CCDC122: variants seen among roughly 807,000 people sequenced by gnomAD.
CCDC122 encodes coiled-coil domain containing 122, also known as coiled-coil domain-containing protein 122.
CCDC122 carries 38 observed loss-of-function variants against 37.0 expected under a neutral mutation model. The ratio of observed to expected loss-of-function variants is 1.03; its 90% CI spans 0.79 to 1.35. The LOEUF (loss-of-function observed/expected upper bound fraction) is 1.35. Ranked by LOEUF, CCDC122 falls within the 40% of genes most tolerant of loss-of-function variation. CCDC122 has a pLI of 0.00. For synonymous variants in CCDC122, 83 were observed against 95.6 expected, an observed-to-expected ratio of 0.87 and a Z score of 0.77; for missense variants, 305 against 310.0, an observed-to-expected ratio of 0.98 and a Z score of 0.12.
chr13:43,870,675 C>A (rs1183898696), intron 2 of CCDC122, among the ~76,000 whole-genome samples: 4 of 151,700 alleles, frequency 2.6e-5, no homozygotes, highest in Non-Finnish European at 4.4e-5. Context: ...CTCATTTAAC[C>A]CTATAAGGTA....
chr13:43,843,819 ATAGTAT>A (rs1953432507), intron 6 of CCDC122, among the ~76,000 whole-genome samples: 1 of 56,884 alleles, frequency 1.8e-5, no homozygotes, highest in Non-Finnish European at 4.8e-5. Context: ...TTCTTGTGTT[ATAGTAT>A]TTTTTTTTTT....
At chr13:43,860,152 T>C (rs544915800) in intron 4 of CCDC122, 82 bp from the exon 5 acceptor site, 2 of 590,036 alleles carry the variant, frequency 3.4e-6, no homozygotes, top group East Asian at 3.9e-5. Flanking sequence ...CCATAATGAA[T>C]ATAGGAAAAA....
chr13:43,823,445 T>C (rs1350854150), downstream of CCDC122, among the ~76,000 whole-genome samples: 1 of 152,206 alleles, frequency 6.6e-6, no homozygotes, highest in Non-Finnish European at 1.5e-5. Context: ...TTGGCCTCGC[T>C]GTCTGGTATT....
intron 5 of CCDC122, 110 bp downstream of exon 5, chr13:43,859,562 A>T: frequency 1.2e-6 from 1 of 826,056 alleles, no homozygotes; most frequent in South Asian, 3.0e-5. Flanking sequence ...TGAAGGTAAT[A>T]GGACAGCTAT....
chr13:43,868,533 T>C (rs1954347493), intron 4 of CCDC122, among the ~76,000 whole-genome samples, 161 bp downstream of exon 4: 1 of 152,094 alleles, frequency 6.6e-6, no homozygotes, highest in South Asian at 2.1e-4. Flanking sequence ...AAATTTTCCA[T>C]AAAACTGGAA....
downstream of CCDC122, among the ~76,000 whole-genome samples, chr13:43,831,906 G>C (rs1953092848): frequency 6.6e-6 from 1 of 151,972 alleles, no homozygotes; most frequent in Non-Finnish European, 1.5e-5. Flanking sequence ...TAAAGATCTA[G>C]AGCTCACAGT....
chr13:43,826,490 G>A (rs1953042413), intron 3 of CCDC122, among the ~76,000 whole-genome samples: 1 of 151,758 alleles, frequency 6.6e-6, no homozygotes, highest in African/African-American at 2.4e-5. Context: ...AGCCATAATT[G>A]TGCTAAACTG....
downstream of CCDC122, among the ~76,000 whole-genome samples, chr13:43,836,151 C>G (rs1953154821): frequency 6.6e-6 from 1 of 152,142 alleles, no homozygotes; most frequent in Non-Finnish European, 1.5e-5. Context: ...ACCATATCTT[C>G]CTATTTGTTT....
intron 6 of CCDC122, among the ~76,000 whole-genome samples, chr13:43,852,521 TA>T (rs1370506446): frequency 6.6e-6 from 1 of 152,042 alleles, no homozygotes; most frequent in Non-Finnish European, 1.5e-5. Flanking sequence ...TTGGAGTCCC[TA>T]AAAGAGATGG....
At chr13:43,867,108 AG>A (rs1175364440) in intron 4 of CCDC122, among the ~76,000 whole-genome samples, 2 of 152,110 alleles carry the variant, frequency 1.3e-5, no homozygotes, top group African/African-American at 4.8e-5. Context: ...TTTTATTTCC[AG>A]TTAGCTGAGA....
downstream of CCDC122, among the ~76,000 whole-genome samples, chr13:43,832,299 G>A (rs1953097237): frequency 6.6e-6 from 1 of 152,002 alleles, no homozygotes; most frequent in South Asian, 2.1e-4. Flanking sequence ...AATATGAGAA[G>A]CTAAACTATG....
chr13:43,869,276 CT>C (rs1954370690), intron 3 of CCDC122, 54 bp downstream of exon 3: 2 of 1,366,448 alleles, frequency 1.5e-6, no homozygotes, highest in African/African-American at 1.4e-5. Flanking sequence ...TGCCAGACTA[CT>C]TTTTTGTTGT....
chr13:43,840,990 A>C (rs191948144), intron 6 of CCDC122, among the ~76,000 whole-genome samples: 2 of 152,350 alleles, frequency 1.3e-5, no homozygotes, highest in African/African-American at 2.4e-5. Flanking sequence ...ACTAGTCTAC[A>C]GTCCCACTAA....
intron 6 of CCDC122, chr13:43,855,726 G>C (rs1953887800): frequency 6.6e-6 from 1 of 152,018 alleles, no homozygotes; most frequent in Non-Finnish European, 1.5e-5. Flanking sequence ...TGACAAGGTT[G>C]CAGAGAAAAA....
chr13:43,865,941 C>T (rs553076945), intron 4 of CCDC122, among the ~76,000 whole-genome samples: 12 of 152,206 alleles, frequency 7.9e-5, no homozygotes, highest in East Asian at 5.8e-4. Flanking sequence ...AGCATCACTA[C>T]GCTGATACTT....
rs1293662302 is a variant in CCDC122 at position 43,825,678 on chromosome 13, G to A, written n.602-1667C>T. On this transcript the variant is annotated intron_variant and non_coding_transcript_variant, in intron 3 of 3. Transcript: ENST00000470137. ...CCAGCTACTTGGGAGGCTGAGGCAG[G>A]AGAATCACTTGAACTCGGGAGGCGG... Among the ~76,000 whole-genome samples, 3 of 150,468 alleles carry A rather than the reference G, an allele frequency of 2.0e-5. No individual in the cohort carries two copies. In the East Asian group the frequency reaches 6.0e-4, roughly 30 times the overall value.
At chr13:43,875,750 A>G (rs955629554) in intron 1 of CCDC122, among the ~76,000 whole-genome samples, 43 of 152,362 alleles carry the variant, frequency 2.8e-4, no homozygotes, top group Admixed American at 2.6e-3. Context: ...ACTAACAAAA[A>G]GAAGCCATAG....
chr13:43,857,965 TCTTA>T (rs1870999749), intron 6 of CCDC122, among the ~76,000 whole-genome samples: 1 of 152,174 alleles, frequency 6.6e-6, no homozygotes, highest in Non-Finnish European at 1.5e-5. Context: ...TGATACACTG[TCTTA>T]CTATTTATTG....
chr13:43,850,725 G>A (rs537125818), intron 6 of CCDC122, among the ~76,000 whole-genome samples: 1 of 152,194 alleles, frequency 6.6e-6, no homozygotes, highest in South Asian at 2.1e-4. Context: ...GGAAGGAGAG[G>A]AGAAAGAAGG....
Sources: gnomAD v4.1 joint callset for allele counts (sites outside exome capture counted in the v4.1 genomes callset) on GRCh38, gnomAD v4.1.1 for gene constraint, MANE v1.5 for transcripts, NCBI Gene and HGNC (gene_info 2026-07-23, HGNC 2026-07-21) for gene names.